SH3KBP1: variants seen among roughly 807,000 people sequenced by gnomAD.
SH3KBP1 encodes SH3 domain-containing kinase-binding protein 1.
Under a neutral mutation model 50.1 loss-of-function variants are expected in SH3KBP1, and 8 were observed. The ratio of observed to expected loss-of-function variants is 0.16; its 90% CI spans 0.09 to 0.29. The LOEUF (loss-of-function observed/expected upper bound fraction) is 0.29. Ranked by LOEUF, SH3KBP1 falls within the 10% of genes least tolerant of loss-of-function variation. The pLI is 1.00. For synonymous variants in SH3KBP1, 227 were observed against 218.6 expected (o/e 1.04, Z -0.34); for missense variants, 377 against 535.2 (o/e 0.70, Z 2.92).
At chrX:19,570,870 C>T (rs1038813779) in intron 12 of SH3KBP1, among the ~76,000 whole-genome samples, 8 of 111,817 alleles carry the variant, frequency 7.2e-5, no homozygotes, top group Admixed American at 3.8e-4. Flanking sequence ...GCAGGAAGAT[C>T]ACCTGAGCCC....
At chrX:19,786,822 A>G (rs1402723355) in intron 2 of SH3KBP1, among the ~76,000 whole-genome samples, 1 of 111,845 alleles carries the variant, frequency 8.9e-6, no homozygotes, top group Admixed American at 9.5e-5. Context: ...GAACAATAAT[A>G]TATTTGGAAG....
chrX:19,857,138 G>A (rs1438394659), intron 1 of SH3KBP1, among the ~76,000 whole-genome samples: 2 of 107,926 alleles, frequency 1.9e-5, no homozygotes, highest in East Asian at 5.8e-4. Context: ...GGCGGGGAGG[G>A]CAGGGTGAAA....
At chrX:19,707,814 G>T (rs987872867) in intron 3 of SH3KBP1, among the ~76,000 whole-genome samples, 4 of 104,289 alleles carry the variant, frequency 3.8e-5, no homozygotes, top group African/African-American at 1.5e-4. Context: ...GAAAGAACGT[G>T]TATGGGGGTG....
intron 2 of SH3KBP1, among the ~76,000 whole-genome samples, chrX:19,764,501 C>T (rs1027594915): frequency 1.8e-5 from 2 of 110,510 alleles, no homozygotes; most frequent in Admixed American, 9.7e-5. Flanking sequence ...AACAAATACC[C>T]AGAGGCCCCC....
intron 1 of SH3KBP1, among the ~76,000 whole-genome samples, chrX:19,875,923 T>C (rs1450038803): frequency 8.9e-6 from 1 of 112,268 alleles, no homozygotes; most frequent in Non-Finnish European, 1.9e-5. Context: ...CACCCTTGGG[T>C]TGCATGAGAG....
chrX:19,868,660 G>A (rs2068967978), intron 1 of SH3KBP1, among the ~76,000 whole-genome samples: 2 of 101,732 alleles, frequency 2.0e-5, no homozygotes, highest in Non-Finnish European at 4.0e-5. Context: ...AATATCCTAA[G>A]TTGTAAATGC....
chrX:19,785,316 G>T (rs1267312949), intron 2 of SH3KBP1, among the ~76,000 whole-genome samples: 1 of 107,109 alleles, frequency 9.3e-6, no homozygotes, highest in African/African-American at 3.4e-5. Flanking sequence ...CCAGGAGTTG[G>T]AGACCAACCT....
intron 2 of SH3KBP1, among the ~76,000 whole-genome samples, chrX:19,805,028 C>T (rs1032000791): frequency 3.8e-5 from 4 of 104,665 alleles, no homozygotes; most frequent in African/African-American, 7.8e-5. Flanking sequence ...TTTGTTTCCC[C>T]TTTACAAATG....
intron 9 of SH3KBP1, among the ~76,000 whole-genome samples, chrX:19,597,445 A>G (rs1325594387): frequency 8.9e-6 from 1 of 111,875 alleles, no homozygotes; most frequent in East Asian, 2.8e-4. Context: ...TTTTTGAGAC[A>G]GGATCTCACT....
intron 3 of SH3KBP1, among the ~76,000 whole-genome samples, chrX:19,739,569 CT>C (rs1213228670): frequency 1.8e-3 from 178 of 100,634 alleles, no homozygotes; most frequent in Admixed American, 1.9e-3. Flanking sequence ...TATGGGAGTC[CT>C]TTTTTTTTTT....
At position 19,634,132 on chromosome X, in the gene SH3KBP1, G is replaced by C. The variant is rs192451130; in HGVS notation, c.803-2174C>G. Among the ~76,000 whole-genome samples, 506 of 103,852 alleles carry C rather than the reference G, an allele frequency of 4.9e-3. 11 individuals carry two copies. The highest frequency in any genetic ancestry group is 0.016 in the African/African-American group (457 of 28,296). 90.2% of individuals were successfully genotyped at this position (103,852 alleles called of 115,157 possible). On this transcript the variant is annotated intron_variant, in intron 7 of 17. Transcript: ENST00000397821. ...AGAAAGAGAGAGAGACGGAGAGACC[G>C]AGAGACACAGAGAGACACAGAGAGA...
intron 9 of SH3KBP1, among the ~76,000 whole-genome samples, chrX:19,595,826 G>C (rs977397334): frequency 8.1e-5 from 9 of 111,740 alleles, no homozygotes; most frequent in Admixed American, 1.9e-4. Flanking sequence ...AGCTGTGTTA[G>C]GGGGAAGCAG....
chrX:19,866,904 C>G (rs748558326), intron 1 of SH3KBP1, among the ~76,000 whole-genome samples: 1 of 108,684 alleles, frequency 9.2e-6, no homozygotes, highest in East Asian at 2.9e-4. Flanking sequence ...CCTTACAACA[C>G]GACAAGGCCA....
At chrX:19,684,633 G>C (rs1256124314) in intron 5 of SH3KBP1, among the ~76,000 whole-genome samples, 2 of 112,343 alleles carry the variant, frequency 1.8e-5, no homozygotes, top group Non-Finnish European at 3.8e-5. Flanking sequence ...AACCAAACTT[G>C]ACATTAAGAC....
At chrX:19,600,315 C>T (rs2067048760) in intron 9 of SH3KBP1, among the ~76,000 whole-genome samples, 1 of 110,377 alleles carries the variant, frequency 9.1e-6, no homozygotes, top group African/African-American at 3.3e-5. Flanking sequence ...GCCCGGGAGG[C>T]AGAGGCTGCA....
At chrX:19,652,987 GTTTT>G (rs971415357) in intron 6 of SH3KBP1, among the ~76,000 whole-genome samples, 3 of 110,576 alleles carry the variant, frequency 2.7e-5, no homozygotes, top group Non-Finnish European at 5.7e-5. Flanking sequence ...GTTGTTGTTG[GTTTT>G]TTTTTGTTTG....
At chrX:19,877,204 T>C (rs780730212) in intron 1 of SH3KBP1, among the ~76,000 whole-genome samples, 9 of 112,109 alleles carry the variant, frequency 8.0e-5, no homozygotes, top group Non-Finnish European at 1.7e-4. Context: ...AACTGTCCCA[T>C]TTCGGTCAAG....
At chrX:19,672,406 C>T (rs1460045105) in intron 6 of SH3KBP1, among the ~76,000 whole-genome samples, 1 of 111,712 alleles carries the variant, frequency 9.0e-6, no homozygotes, top group East Asian at 2.8e-4. Flanking sequence ...CCAGAACTTT[C>T]GAGCGGAGAA....
intron 2 of SH3KBP1, among the ~76,000 whole-genome samples, chrX:19,749,078 G>A (rs1380052720): frequency 5.3e-5 from 6 of 112,445 alleles, no homozygotes; most frequent in Admixed American, 4.7e-4. Context: ...AAATGCAAAT[G>A]AAAACCACAA....
Sources: gnomAD v4.1 joint callset for allele counts (sites outside exome capture counted in the v4.1 genomes callset) on GRCh38, gnomAD v4.1.1 for gene constraint, MANE v1.5 for transcripts, NCBI Gene and HGNC (gene_info 2026-07-23, HGNC 2026-07-21) for gene names.